The following ATP2B4 variants were observed in gnomAD, a reference collection of about 807,000 sequenced individuals.
ATP2B4 encodes the protein ATPase plasma membrane Ca2+ transporting 4, also known as plasma membrane calcium-transporting ATPase 4.
In ATP2B4, 39 loss-of-function variants were observed where a neutral mutation model predicts 110.3. That is an observed-to-expected ratio of 0.35 (90% CI 0.27 to 0.46). The LOEUF is 0.46. Ranked by LOEUF, ATP2B4 falls within the 20% of genes least tolerant of loss-of-function variation. The pLI is 1.00. For synonymous variants in ATP2B4, 538 were observed against 571.7 expected (o/e 0.94, Z 0.84); for missense variants, 1,135 against 1,530.9 (o/e 0.74, Z 4.32).
chr1:203,685,290 C>G (rs1481686005), intron 2 of ATP2B4, among the ~76,000 whole-genome samples: 3 of 152,206 alleles, frequency 2.0e-5, no homozygotes, highest in South Asian at 4.1e-4. Flanking sequence ...CAAAAGGAAA[C>G]TTGCTTTTTC....
chr1:203,675,451 A>G (rs917088818), intron 1 of ATP2B4, among the ~76,000 whole-genome samples: 5 of 152,116 alleles, frequency 3.3e-5, no homozygotes, highest in Admixed American at 3.3e-4. Flanking sequence ...ATCCTTGCAC[A>G]TGCCCCCTCC....
intron 1 of ATP2B4, among the ~76,000 whole-genome samples, chr1:203,666,102 C>A (rs1325378264): frequency 6.6e-6 from 1 of 152,174 alleles, no homozygotes; most frequent in Non-Finnish European, 1.5e-5. Flanking sequence ...TGGTAATTAA[C>A]CTACAGTGGT....
chr1:203,659,370 T>TA (rs1264997678), intron 1 of ATP2B4, among the ~76,000 whole-genome samples: 1 of 152,218 alleles, frequency 6.6e-6, no homozygotes, highest in African/African-American at 2.4e-5. Flanking sequence ...AGCAGGTATT[T>TA]AAAAATTATA....
intron 18 of ATP2B4, among the ~76,000 whole-genome samples, chr1:203,723,014 G>A (rs1666382236): frequency 6.6e-6 from 1 of 151,796 alleles, no homozygotes; most frequent in South Asian, 2.1e-4. Flanking sequence ...CCTTTCTATG[G>A]CTCCTGTCAG....
At chr1:203,701,960 G>T in intron 6 of ATP2B4, 84 bp from the exon 7 acceptor site, 1 of 1,441,234 alleles carries the variant, frequency 6.9e-7, no homozygotes, top group Non-Finnish European at 9.7e-7. Context: ...TTGTCCTTCT[G>T]GGCTCTGAGC....
chr1:203,657,300 A>AC, intron 1 of ATP2B4: 1 of 733,666 alleles, frequency 1.4e-6, no homozygotes, highest in East Asian at 2.4e-5. Context: ...TTTAGTAACC[A>AC]CCCTCTTCCA....
chr1:203,653,449 G>A (rs1449047749), intron 1 of ATP2B4, among the ~76,000 whole-genome samples: 1 of 152,216 alleles, frequency 6.6e-6, no homozygotes, highest in Non-Finnish European at 1.5e-5. Flanking sequence ...AGATTTTAAT[G>A]TAGGCAAAAC....
At position 203,670,466 on chromosome 1, in the gene ATP2B4, A is replaced by G. The variant is rs566689801; in HGVS notation, c.-464-12276A>G. On this transcript the variant is annotated intron_variant, in intron 1 of 20. Transcript: ENST00000357681. ...AGTGTTGGGATTACAGGCGTGAGCC[A>G]CTGCGCCCGGCCGAGTTCATACTCT... is the stretch of plus-strand genomic sequence containing the variant. 1.7e-3 allele frequency among the ~76,000 whole-genome samples: 258 copies of G among 152,354 alleles called. 1 individual carries two copies. Among genetic ancestry groups the G allele is most frequent in the Non-Finnish European group, 2.8e-3 (192 of 68,024 alleles).
At chr1:203,631,659 A>T (rs1299604991) in intron 1 of ATP2B4, among the ~76,000 whole-genome samples, 3 of 152,204 alleles carry the variant, frequency 2.0e-5, no homozygotes, top group East Asian at 3.9e-4. Flanking sequence ...ACGGGCTGTT[A>T]GTATTGAGCC....
chr1:203,688,173 G>A (rs1029065389), intron 2 of ATP2B4, among the ~76,000 whole-genome samples: 6 of 151,456 alleles, frequency 4.0e-5, no homozygotes, highest in African/African-American at 9.7e-5. Context: ...ACAGATGCGC[G>A]CCACCATGCC....
At chr1:203,657,048 G>T in intron 1 of ATP2B4, 1 of 791,580 alleles carries the variant, frequency 1.3e-6, no homozygotes, top group South Asian at 1.5e-5. Context: ...AAATAACTTT[G>T]CCTCCTTGTG....
At chr1:203,706,104 A>G (rs1665841076) in intron 8 of ATP2B4, among the ~76,000 whole-genome samples, 1 of 152,228 alleles carries the variant, frequency 6.6e-6, no homozygotes, top group South Asian at 2.1e-4. Flanking sequence ...CAGCCCTCAA[A>G]GCATCCAGGC....
At chr1:203,712,277 C>A in intron 13 of ATP2B4, 138 bp downstream of exon 13, 1 of 1,046,944 alleles carries the variant, frequency 9.6e-7, no homozygotes. Context: ...TCTCCTTGTA[C>A]CAAACTGCTG....
At position 203,743,980 on chromosome 1, in the gene ATP2B4, G is replaced by A. The variant is rs1160107906; in HGVS notation, c.*4126G>A. ...CACTGAGACCAGAAGAAGAAGAGGA[G>A]TTTTAAAAGGGATAATTTGTTGGAG... On this transcript the variant is annotated 3_prime_UTR_variant, in exon 21 of 21. Coordinates refer to ENST00000357681, the MANE Select transcript of ATP2B4 (RefSeq NM_001684.5). 2.0e-5 allele frequency: 3 copies of A among 152,624 alleles called. No individual in the cohort carries two copies. Among genetic ancestry groups the A allele is most frequent in the Non-Finnish European group, 4.4e-5 (3 of 68,050 alleles). The allele number at this position is 152,624 out of a possible 1,614,324, so 9.5% of individuals were successfully genotyped here.
intron 19 of ATP2B4, among the ~76,000 whole-genome samples, chr1:203,725,083 G>A (rs1021404606): frequency 6.7e-6 from 1 of 149,406 alleles, no homozygotes; most frequent in African/African-American, 2.5e-5. Flanking sequence ...TCACCTTGTT[G>A]GCTAGGCTGG....
In ATP2B4 at chr1:203,691,907, A is replaced by C. The variant is rs543519523; in HGVS notation, c.194-6250A>C. ...TTTTAACTTTTTTTTTTTGAGATGGAGTCTGGCTCTGTTGCCCAGGCTGGA... is the reference window on the plus strand; with the variant it reads ...TTTTAACTTTTTTTTTTTGAGATGGCGTCTGGCTCTGTTGCCCAGGCTGGA... On this transcript the variant is annotated intron_variant, in intron 2 of 20. Transcript: ENST00000357681. 7.9e-5 allele frequency among the ~76,000 whole-genome samples: 12 copies of C among 151,068 alleles called. No homozygotes were observed. In the South Asian group the frequency reaches 2.5e-3, roughly 32 times the overall value.
chr1:203,729,345 G>C (rs1666621347), intron 20 of ATP2B4, among the ~76,000 whole-genome samples: 1 of 151,894 alleles, frequency 6.6e-6, no homozygotes, highest in Non-Finnish European at 1.5e-5. Context: ...AGGAGTTCGA[G>C]ACCAGCCTGG....
At position 203,739,540 on chromosome 1, in the gene ATP2B4, G is replaced by C; in HGVS notation, c.3310-6G>C. ...TCTCATCCTCCTTTTCCTTCCCCTG[G>C]TATAGATCAAAGTGGTCAAAGCGTT... On this transcript the variant is annotated splice_region_variant and splice_polypyrimidine_tract_variant and intron_variant, in intron 20 of 20. Coordinates refer to ENST00000357681, the MANE Select transcript of ATP2B4 (RefSeq NM_001684.5). 6.2e-7 allele frequency: 1 copy of C among 1,611,654 alleles called. No homozygotes were observed. The highest frequency in any genetic ancestry group is 8.5e-7 in the Non-Finnish European group (1 of 1,178,528).
intron 15 of ATP2B4, among the ~76,000 whole-genome samples, chr1:203,718,026 T>G (rs4951107): frequency 0.22 from 33,257 of 152,016 alleles, 4,188 homozygotes; most frequent in East Asian, 0.59. Flanking sequence ...TGTTCCTTGC[T>G]ACTGAGTAGA....
Sources: allele counts gnomAD v4.1 joint callset (sites outside exome capture counted in the v4.1 genomes callset), GRCh38; gene constraint gnomAD v4.1.1; transcripts MANE v1.5; gene names NCBI Gene and HGNC (gene_info 2026-07-23, HGNC 2026-07-21).